Variants in TOPBP1 observed in about 807,000 individuals in gnomAD.
The protein encoded by TOPBP1 is DNA topoisomerase II binding protein 1.
Under a neutral mutation model 167.7 loss-of-function variants are expected in TOPBP1, and 28 were observed. That is an observed-to-expected ratio of 0.17 (90% CI 0.12 to 0.23). TOPBP1 has a LOEUF of 0.23. TOPBP1 is among the 10% of genes least tolerant of loss of function. TOPBP1 has a pLI of 1.00. For synonymous variants in TOPBP1, 598 were observed against 611.4 expected, an observed-to-expected ratio of 0.98 and a Z score of 0.32; for missense variants, 1,554 against 1,809.6, an observed-to-expected ratio of 0.86 and a Z score of 2.56.
At position 133,643,360 on chromosome 3, in the gene TOPBP1, C is replaced by G; in HGVS notation, c.1861G>C (p.Asp621His). 1 of 1,587,104 alleles carries G rather than the reference C, an allele frequency of 6.3e-7. No individual in the cohort carries two copies. Among genetic ancestry groups the G allele is most frequent in the South Asian group, 1.2e-5 (1 of 86,300 alleles). ...TTTGGATCAAACAAAGTCTGATAGT[C>G]TATGCAAGTAACCTTTTAAAAACAA... Reference protein sequence around the residue: ...VTNTWLVTCIDYQTLFDPKSN... With the variant: ...VTNTWLVTCIHYQTLFDPKSN... The change falls in exon 12 of 28, where the codon GAC becomes CAC. Residue 621 changes from aspartate (D) to histidine (H), a missense_variant. Physicochemically the swap from Asp to His is moderately conservative, Grantham distance 81 (BLOSUM62 -1). This residue lies in a region of TOPBP1 where 1,197 missense variants were observed against 1,351.5 expected (regional missense o/e 0.89). Coordinates refer to ENST00000260810, the MANE Select transcript of TOPBP1 (RefSeq NM_007027.4).
chr3:133,657,347 T>C (rs780421415), intron 4 of TOPBP1, among the ~76,000 whole-genome samples: 12 of 149,946 alleles, frequency 8.0e-5, no homozygotes, highest in Non-Finnish European at 1.6e-4. Flanking sequence ...GTCCCAAATA[T>C]ATATATGTAT....
chr3:133,625,255 G>A (rs769447906), intron 16 of TOPBP1, among the ~76,000 whole-genome samples: 2 of 152,172 alleles, frequency 1.3e-5, no homozygotes, highest in Admixed American at 6.5e-5. Context: ...ATGAGCCACC[G>A]TGCCCGGCCG....
chr3:133,623,526 A>G, intron 17 of TOPBP1, 69 bp from the exon 18 acceptor site: 3 of 1,496,608 alleles, frequency 2.0e-6, no homozygotes, highest in Non-Finnish European at 1.8e-6. Flanking sequence ...GTTAAGTAGG[A>G]TAAGGACAAG....
intron 24 of TOPBP1, among the ~76,000 whole-genome samples, chr3:133,611,483 A>T (rs1319831717): frequency 6.6e-6 from 1 of 152,254 alleles, no homozygotes; most frequent in Non-Finnish European, 1.5e-5. Flanking sequence ...ACACAGTCTC[A>T]GAGGAGGTAT....
At chr3:133,629,679 TTC>T (rs758565678) in intron 14 of TOPBP1, among the ~76,000 whole-genome samples, 1 of 152,200 alleles carries the variant, frequency 6.6e-6, no homozygotes, top group Admixed American at 6.5e-5. Context: ...AATCAGATTT[TTC>T]TTTTTTGACA....
intron 10 of TOPBP1, among the ~76,000 whole-genome samples, chr3:133,647,333 G>A: frequency 6.6e-6 from 1 of 152,174 alleles, no homozygotes; most frequent in East Asian, 1.9e-4. Flanking sequence ...TATTGAGTTT[G>A]TAAACTCCTA....
At chr3:133,611,184 G>T (rs747730935) in intron 24 of TOPBP1, 43 bp from the exon 25 acceptor site, 2 of 1,588,248 alleles carry the variant, frequency 1.3e-6, no homozygotes, top group Admixed American at 3.5e-5. Context: ...ACAGTCTGGG[G>T]AGCCACTGTG....
At chr3:133,618,664 C>G (rs190272435) in intron 20 of TOPBP1, among the ~76,000 whole-genome samples, 2 of 152,046 alleles carry the variant, frequency 1.3e-5, no homozygotes, top group African/African-American at 4.8e-5. Context: ...CATATTTTGA[C>G]TACATGTCTA....
chr3:133,656,476 C>A (rs911150989), intron 5 of TOPBP1, among the ~76,000 whole-genome samples, 200 bp downstream of exon 5: 2 of 152,162 alleles, frequency 1.3e-5, no homozygotes, highest in African/African-American at 2.4e-5. Context: ...TAATGCTAAA[C>A]CCTTGGCCCA....
At chr3:133,651,915 C>T (rs1361808794) in intron 8 of TOPBP1, among the ~76,000 whole-genome samples, 3 of 152,144 alleles carry the variant, frequency 2.0e-5, no homozygotes, top group Admixed American at 6.5e-5. Flanking sequence ...ACTGTAAACA[C>T]TTGGATGATA....
At chr3:133,614,843 G>A (rs1934807638) in intron 23 of TOPBP1, among the ~76,000 whole-genome samples, 1 of 131,716 alleles carries the variant, frequency 7.6e-6, no homozygotes, top group Admixed American at 7.9e-5. Flanking sequence ...GGGGGGAGGG[G>A]GGAGGGATAG....
intron 6 of TOPBP1, among the ~76,000 whole-genome samples, chr3:133,653,794 T>C (rs1322019891): frequency 1.3e-5 from 2 of 152,110 alleles, no homozygotes; most frequent in Non-Finnish European, 2.9e-5. Flanking sequence ...CATGTCTGGC[T>C]AATTTTTTTG....
At chr3:133,622,110 A>G (rs949921030) in intron 19 of TOPBP1, among the ~76,000 whole-genome samples, 10 of 152,046 alleles carry the variant, frequency 6.6e-5, no homozygotes, top group South Asian at 6.2e-4. Context: ...CTAGTTATCT[A>G]CTGATATAAA....
rs144580818 is a variant in TOPBP1 at position 133,608,572 on chromosome 3, C to T, written c.4388G>A (p.Cys1463Tyr). Residue 1463 changes from cysteine to tyrosine, a missense_variant, in exon 27 of 28, where the codon TGC (cysteine) becomes TAC (tyrosine). Coordinates refer to ENST00000260810, the MANE Select transcript of TOPBP1 (RefSeq NM_007027.4). Reference sequence around the variant, plus strand: ...ATCAGCAATGTATTCTGTTCTCAAGCAGTACACGTTCTGGGCAGCAGCTTC... The same window carrying T: ...ATCAGCAATGTATTCTGTTCTCAAGTAGTACACGTTCTGGGCAGCAGCTTC... The part of the protein sequence containing the change: ...IAEAAAQNVY[C>Y]LRTEYIADYL... 6.0e-4 allele frequency: 968 copies of T among 1,613,750 alleles called. 2 individuals carry two copies. Among genetic ancestry groups the T allele is most frequent in the Non-Finnish European group, 6.6e-4 (780 of 1,179,742 alleles).
intron 27 of TOPBP1, among the ~76,000 whole-genome samples, chr3:133,601,781 C>T: frequency 6.6e-6 from 1 of 152,130 alleles, no homozygotes; most frequent in Admixed American, 6.5e-5. Context: ...ATTTTCCCCC[C>T]ACAACCATTT....
Position 133,608,878 on chromosome 3 carries a change from C to G in TOPBP1, c.4258G>C (p.Ala1420Pro). 6.2e-7 allele frequency: 1 copy of G among 1,610,450 alleles called. No homozygotes were observed. The highest frequency in any genetic ancestry group is 8.5e-7 in the Non-Finnish European group (1 of 1,178,864). Reference protein sequence around the residue: ...GFKRLLQSGGAKVLPGHSVPL... With the variant: ...GFKRLLQSGGPKVLPGHSVPL... ...TAAATTAATTTGATACAAACCTTTG[C>G]TCCTCCTGACTGAAGAAGGCGTTTG... The change falls in exon 26 of 28, where the codon GCA becomes CCA. Residue 1420 changes from alanine to proline, a missense_variant. By Grantham distance (27) the Ala-to-Pro change is conservative. Coordinates refer to ENST00000260810, the MANE Select transcript of TOPBP1 (RefSeq NM_007027.4).
chr3:133,660,666 C>T (rs886762090), intron 2 of TOPBP1, among the ~76,000 whole-genome samples: 3 of 152,190 alleles, frequency 2.0e-5, no homozygotes, highest in Non-Finnish European at 4.4e-5. Context: ...AATTATTATA[C>T]TGTACATAAT....
At chr3:133,648,617 G>A (rs1199914953) in intron 10 of TOPBP1, among the ~76,000 whole-genome samples, 2 of 152,150 alleles carry the variant, frequency 1.3e-5, no homozygotes, top group African/African-American at 4.8e-5. Flanking sequence ...GGCCAACACT[G>A]AGAAACCCCA....
chr3:133,611,035 ATTT>A lies in TOPBP1; in HGVS notation c.4139_4141del (p.Lys1380del). The A allele has an allele frequency of 6.2e-7, 1 of 1,612,350 alleles. No individual in the cohort carries two copies. The highest frequency in any genetic ancestry group is 8.5e-7 in the Non-Finnish European group (1 of 1,179,050). ...AATGCCAGATTCTTGTCTTTGCTGG[ATTT>A]TTTTTCTCCATCTCATTGCTGCAAG... On this transcript the variant is annotated inframe_deletion, in exon 25 of 28. Transcript: ENST00000260810.
Sources: gnomAD v4.1 joint callset for allele counts (sites outside exome capture counted in the v4.1 genomes callset) on GRCh38, gnomAD v4.1.1 for gene constraint, gnomAD v4.1.1 regional missense constraint, MANE v1.5 for transcripts, NCBI Gene and HGNC (gene_info 2026-07-23, HGNC 2026-07-21) for gene names.